GPR63: variants seen among roughly 807,000 people sequenced by gnomAD.
GPR63 encodes the protein probable G protein-coupled receptor 63.
Under a neutral mutation model 23.1 loss-of-function variants are expected in GPR63, and 12 were observed. The observed-to-expected ratio is 0.52, with a 90% CI of 0.33 to 0.84. The LOEUF is 0.84. Among genes scored for constraint, GPR63 ranks in the 40% least tolerant of loss-of-function variants. The pLI, the probability that GPR63 is intolerant of heterozygous loss-of-function variation, is 0.02. For synonymous variants in GPR63, 172 were observed against 191.1 expected, an observed-to-expected ratio of 0.90 and a Z score of 0.82; for missense variants, 472 against 515.6, an observed-to-expected ratio of 0.92 and a Z score of 0.82.
At chr6:96,830,458 T>C (rs947859023) in intron 1 of GPR63, among the ~76,000 whole-genome samples, 1 of 152,132 alleles carries the variant, frequency 6.6e-6, no homozygotes, top group African/African-American at 2.4e-5. Context: ...AAAATGATAC[T>C]TACTTAAACA....
chr6:96,823,305 C>T (rs952767131), intron 1 of GPR63, among the ~76,000 whole-genome samples: 2 of 152,178 alleles, frequency 1.3e-5, no homozygotes, highest in Admixed American at 1.3e-4. Flanking sequence ...GTTATTGCCC[C>T]TGAAGACCTT....
intron 1 of GPR63, among the ~76,000 whole-genome samples, chr6:96,830,848 G>T (rs551247140): frequency 5.3e-5 from 8 of 152,194 alleles, no homozygotes; most frequent in African/African-American, 1.9e-4. Flanking sequence ...TTTGTTACTA[G>T]AAGTGACCAC....
intron 1 of GPR63, among the ~76,000 whole-genome samples, chr6:96,814,199 T>C (rs948200508): frequency 6.6e-6 from 1 of 152,034 alleles, no homozygotes; most frequent in Admixed American, 6.5e-5. Context: ...GAAATGTAAA[T>C]TATAGATGAG....
intron 1 of GPR63, among the ~76,000 whole-genome samples, chr6:96,818,579 A>G (rs1774221509): frequency 6.6e-6 from 1 of 152,216 alleles, no homozygotes; most frequent in Non-Finnish European, 1.5e-5. Flanking sequence ...AGCAACTAAA[A>G]CTGTTTTTGA....
rs956415120 is a variant in GPR63 at position 96,795,672 on chromosome 6, A to T, written c.*2800T>A. 3 of 152,154 alleles carry T rather than the reference A, an allele frequency of 2.0e-5. No individual in the cohort carries two copies. Among genetic ancestry groups the T allele is most frequent in the African/African-American group, 7.2e-5 (3 of 41,434 alleles). 9.4% of individuals were successfully genotyped at this position (152,154 alleles called of 1,614,324 possible). ...CTATTAAGCAGCATGAAAGTACCTA[A>T]AGACTGCCCATAAAACAGGAACAAA... On this transcript the variant is annotated 3_prime_UTR_variant, in exon 2 of 2. Transcript: ENST00000229955.
chr6:96,824,346 T>C (rs1011613592), intron 1 of GPR63, among the ~76,000 whole-genome samples: 1 of 152,082 alleles, frequency 6.6e-6, no homozygotes, highest in Non-Finnish European at 1.5e-5. Context: ...GAAACCTCAC[T>C]AGCAGAAAGA....
intron 1 of GPR63, among the ~76,000 whole-genome samples, chr6:96,806,389 T>A (rs543241047): frequency 6.6e-6 from 1 of 152,294 alleles, no homozygotes; most frequent in East Asian, 1.9e-4. Context: ...CATTTGGGTA[T>A]GTTATTCTGA....
intron 1 of GPR63, among the ~76,000 whole-genome samples, chr6:96,834,342 T>C (rs886464381): frequency 1.3e-5 from 2 of 152,188 alleles, no homozygotes; most frequent in African/African-American, 2.4e-5. Flanking sequence ...CTAGTTCAAA[T>C]TGAGGGCACA....
rs780246056 is a variant in GPR63 at position 96,798,629 on chromosome 6, G to A, written c.1103C>T (p.Pro368Leu). Residue 368 changes from proline (P) to leucine (L), a missense_variant, in exon 2 of 2, where the codon CCG becomes CTG. Pro to Leu is a moderately conservative substitution (Grantham distance 98, BLOSUM62 -3). Coordinates refer to ENST00000229955, the MANE Select transcript of GPR63 (RefSeq NM_030784.4). ...CTTAATCCTCCAGTAGTAGATCAGC[G>A]GATTCAATGCAGACTTGAGGTAGCA... ...WLCYLKSALN[P>L]LIYYWRIKKF... is the part of the protein sequence containing the mutation. 1.7e-5 allele frequency: 28 copies of A among 1,614,190 alleles called. No individual in the cohort carries two copies. Among genetic ancestry groups the A allele is most frequent in the East Asian group, 2.2e-5 (1 of 44,884 alleles).
At chr6:96,813,637 G>A (rs1414688394) in intron 1 of GPR63, among the ~76,000 whole-genome samples, 1 of 152,144 alleles carries the variant, frequency 6.6e-6, no homozygotes. Context: ...TGTAGCTGTT[G>A]GGTGAAATAC....
intron 1 of GPR63, among the ~76,000 whole-genome samples, chr6:96,817,432 C>G (rs1486942844): frequency 6.6e-6 from 1 of 152,068 alleles, no homozygotes; most frequent in Admixed American, 6.6e-5. Flanking sequence ...AAATGGGTAA[C>G]TAGATAACAG....
intron 1 of GPR63, among the ~76,000 whole-genome samples, chr6:96,806,855 T>G (rs2127947105): frequency 6.6e-6 from 1 of 152,304 alleles, no homozygotes; most frequent in South Asian, 2.1e-4. Flanking sequence ...GAGGAGTTTC[T>G]TATGACCAGT....
intron 1 of GPR63, among the ~76,000 whole-genome samples, chr6:96,817,456 G>T (rs774490221): frequency 8.5e-4 from 129 of 152,046 alleles, no homozygotes; most frequent in Non-Finnish European, 1.5e-3. Context: ...GCTGTCTATG[G>T]TAAATTTGTA....
At position 96,796,606 on chromosome 6, in the gene GPR63, C is replaced by T. The variant is rs1297305369; in HGVS notation, c.*1866G>A. On this transcript the variant is annotated 3_prime_UTR_variant, in exon 2 of 2. Coordinates refer to ENST00000229955, the MANE Select transcript of GPR63 (RefSeq NM_030784.4). ...AAATGTCAGACATGCCCTATTAAAA[C>T]TTGTTCTAGGCTCAGACGAGGGTTC... 1 of 152,176 alleles carries T rather than the reference C, an allele frequency of 6.6e-6. No homozygotes were observed. Among genetic ancestry groups the T allele is most frequent in the Admixed American group, 6.5e-5 (1 of 15,278 alleles). The allele number at this position is 152,176 out of a possible 1,614,324, so 9.4% of individuals were successfully genotyped here. A position where few individuals can be genotyped will look rare whatever the true frequency, so the allele number is the denominator to read the frequency against.
rs1773555633 is a variant in GPR63, at chr6:96,795,385, G to A, written c.*3087C>T. ...CTTTCCCTGCCTCAAGAAAATATGG[G>A]GGAATAGGCAACATATGATTTTGCA... is the stretch of plus-strand genomic sequence containing the variant. On this transcript the variant is annotated 3_prime_UTR_variant, in exon 2 of 2. Transcript: ENST00000229955. 1.3e-5 allele frequency: 2 copies of A among 152,152 alleles called. No homozygotes were observed. The highest frequency in any genetic ancestry group is 1.3e-4 in the Admixed American group (2 of 15,268). 9.4% of individuals were successfully genotyped at this position (152,152 alleles called of 1,614,324 possible). A position where few individuals can be genotyped will look rare whatever the true frequency, so the allele number is the denominator to read the frequency against.
intron 1 of GPR63, among the ~76,000 whole-genome samples, chr6:96,818,330 G>A (rs1042124927): frequency 2.0e-5 from 3 of 152,084 alleles, no homozygotes; most frequent in Non-Finnish European, 4.4e-5. Flanking sequence ...AAGTGTGGTA[G>A]TTCGTGTCTG....
rs1351566419 is a variant in GPR63, at chr6:96,794,213, TTTAAATATTAG to T, written c.*4248_*4258del. The T allele has an allele frequency of 6.6e-6, 1 of 152,140 alleles. No homozygotes were observed. Among genetic ancestry groups the T allele is most frequent in the Non-Finnish European group, 1.5e-5 (1 of 68,004 alleles). 9.4% of individuals were successfully genotyped at this position (152,140 alleles called of 1,614,324 possible). ...GCACAAATAACCATATTTTTCGATATTTAAATATTAGAACCCATAATTCAAGGTTGTTTTTT... is the reference window on the plus strand; with the variant it reads ...GCACAAATAACCATATTTTTCGATATAACCCATAATTCAAGGTTGTTTTTT... On this transcript the variant is annotated 3_prime_UTR_variant, in exon 2 of 2. Coordinates refer to ENST00000229955, the MANE Select transcript of GPR63 (RefSeq NM_030784.4).
intron 1 of GPR63, among the ~76,000 whole-genome samples, chr6:96,800,727 T>C (rs910783679): frequency 6.6e-6 from 1 of 152,176 alleles, no homozygotes; most frequent in Non-Finnish European, 1.5e-5. Flanking sequence ...CTGATATGTA[T>C]ACATCTATCT....
intron 1 of GPR63, among the ~76,000 whole-genome samples, chr6:96,832,681 T>C (rs1436980913): frequency 6.6e-6 from 1 of 151,938 alleles, no homozygotes; most frequent in Non-Finnish European, 1.5e-5. Context: ...AAATAACTAA[T>C]GGGTACAAGG....
Sources: allele counts gnomAD v4.1 joint callset (sites outside exome capture counted in the v4.1 genomes callset), GRCh38; gene constraint gnomAD v4.1.1; transcripts MANE v1.5; gene names NCBI Gene and HGNC (gene_info 2026-07-23, HGNC 2026-07-21).